The following DIS3L2 variants were observed in gnomAD, a reference collection of about 807,000 sequenced individuals.
DIS3L2 encodes DIS3-like exonuclease 2.
DIS3L2 carries 34 observed loss-of-function variants against 97.5 expected under a neutral mutation model. That is an observed-to-expected ratio of 0.35 (90% CI 0.27 to 0.46). The LOEUF (loss-of-function observed/expected upper bound fraction) is 0.46, where lower values mean the gene tolerates loss of function less well. Ranked by LOEUF, DIS3L2 falls within the 20% of genes least tolerant of loss-of-function variation. The pLI, the probability that DIS3L2 is intolerant of heterozygous loss-of-function variation, is 1.00. For synonymous variants in DIS3L2, 435 were observed against 445.2 expected, an observed-to-expected ratio of 0.98 and a Z score of 0.29; for missense variants, 1,038 against 1,146.0, an observed-to-expected ratio of 0.91 and a Z score of 1.36.
intron 4 of DIS3L2, among the ~76,000 whole-genome samples, chr2:232,026,316 G>A (rs1478441442): frequency 6.6e-6 from 1 of 152,002 alleles, no homozygotes; most frequent in Non-Finnish European, 1.5e-5. Context: ...ATATACCTGA[G>A]TTCAAATGTA....
chr2:232,264,000 C>T (rs186775086), intron 13 of DIS3L2, among the ~76,000 whole-genome samples: 8 of 152,324 alleles, frequency 5.3e-5, no homozygotes, highest in Admixed American at 5.2e-4. Context: ...GTTTTGGGCA[C>T]CAGGGCCCAG....
chr2:232,340,605 C>T (rs368013616), downstream of DIS3L2: 4 of 447,252 alleles, frequency 8.9e-6, no homozygotes, highest in South Asian at 3.3e-5. Context: ...GCCCAGGCAG[C>T]GCTCAGGGCA....
intron 13 of DIS3L2, among the ~76,000 whole-genome samples, chr2:232,296,439 T>C (rs968623328): frequency 1.3e-5 from 2 of 152,148 alleles, no homozygotes; most frequent in South Asian, 4.1e-4. Flanking sequence ...ACTTGGTAGG[T>C]GATATGGTTT....
intron 16 of DIS3L2, 93 bp from the exon 17 acceptor site, chr2:232,333,747 G>T: frequency 1.4e-6 from 2 of 1,478,312 alleles, no homozygotes; most frequent in African/African-American, 1.4e-5. Flanking sequence ...TCCACACATC[G>T]CTGCCGACGG....
intron 5 of DIS3L2, among the ~76,000 whole-genome samples, chr2:232,077,212 G>T (rs528577198): frequency 6.6e-6 from 1 of 151,982 alleles, no homozygotes; most frequent in East Asian, 1.9e-4. Flanking sequence ...TCTGTCTTCC[G>T]GAGCATAGGG....
At chr2:232,336,350 G>A in intron 20 of DIS3L2, 119 bp from the exon 21 acceptor site, 1 of 1,548,138 alleles carries the variant, frequency 6.5e-7, no homozygotes, top group Non-Finnish European at 8.7e-7. Flanking sequence ...AGACAGGCGA[G>A]CAGAGGCTTC....
intron 1 of DIS3L2, among the ~76,000 whole-genome samples, chr2:231,989,486 A>G (rs1232097542): frequency 1.3e-5 from 2 of 151,974 alleles, no homozygotes; most frequent in Non-Finnish European, 2.9e-5. Context: ...TACCTCATGG[A>G]TGTTTTAAAA....
chr2:231,977,855 T>C (rs1166648697), intron 1 of DIS3L2, among the ~76,000 whole-genome samples: 1 of 152,250 alleles, frequency 6.6e-6, no homozygotes, highest in African/African-American at 2.4e-5. Context: ...GTGCTTTTAA[T>C]TGTGTTACAC....
chr2:232,036,856 C>T (rs1365326132), intron 5 of DIS3L2, among the ~76,000 whole-genome samples: 3 of 152,186 alleles, frequency 2.0e-5, no homozygotes, highest in South Asian at 4.1e-4. Flanking sequence ...GTGGAGGCTG[C>T]AGAACAGCAA....
intron 5 of DIS3L2, among the ~76,000 whole-genome samples, chr2:232,079,726 A>G (rs1175104658): frequency 2.0e-5 from 3 of 152,138 alleles, no homozygotes; most frequent in Admixed American, 6.5e-5. Context: ...TGACAGGCAG[A>G]TATTTGAGCA....
In DIS3L2 at chr2:232,276,051, C is replaced by A. The variant is rs756418859; in HGVS notation, c.1659+12611C>A. Reference sequence around the variant, plus strand: ...TATTTAATTGCTCCTTGAATCGTGACCTCCTGGGGTAAAGGAAATCTGCCA... The same window carrying A: ...TATTTAATTGCTCCTTGAATCGTGAACTCCTGGGGTAAAGGAAATCTGCCA... On this transcript the variant is annotated intron_variant, in intron 13 of 20. Coordinates refer to ENST00000325385, the MANE Select transcript of DIS3L2 (RefSeq NM_152383.5). This position sits in a 1 kb window ranked among gnomAD's most constrained non-coding sequence, Gnocchi z 4.4. 1.1e-4 allele frequency among the ~76,000 whole-genome samples: 17 copies of A among 152,228 alleles called. No homozygotes were observed. The highest frequency in any genetic ancestry group is 2.5e-4 in the Non-Finnish European group (17 of 68,034).
intron 10 of DIS3L2, among the ~76,000 whole-genome samples, chr2:232,228,452 C>G (rs186028034): frequency 6.6e-6 from 1 of 152,104 alleles, no homozygotes; most frequent in Admixed American, 6.5e-5. Flanking sequence ...AAAGAGATGA[C>G]GACACATGCC....
chr2:232,326,615 T>A (rs1695585001), intron 14 of DIS3L2, among the ~76,000 whole-genome samples: 1 of 150,738 alleles, frequency 6.6e-6, no homozygotes, highest in Non-Finnish European at 1.5e-5. Context: ...TGGCCAAGGC[T>A]GCACCTGGGA....
chr2:232,090,475 C>G (rs1021710896), intron 6 of DIS3L2, among the ~76,000 whole-genome samples: 1 of 152,104 alleles, frequency 6.6e-6, no homozygotes, highest in African/African-American at 2.4e-5. Flanking sequence ...ATTTCTTGCC[C>G]TCTTGATATT....
At chr2:232,009,332 T>C (rs1428876449) in intron 1 of DIS3L2, among the ~76,000 whole-genome samples, 1 of 152,212 alleles carries the variant, frequency 6.6e-6, no homozygotes. Flanking sequence ...CTGATTTCCT[T>C]CTCCCCAGAG....
intron 2 of DIS3L2, among the ~76,000 whole-genome samples, 153 bp from the exon 3 acceptor site, chr2:232,015,361 C>G (rs956905977): frequency 6.6e-6 from 1 of 152,216 alleles, no homozygotes; most frequent in Admixed American, 6.5e-5. Context: ...CTTAGCCACT[C>G]TTTCCTTTTT....
rs550333874 is a variant in DIS3L2 at position 232,293,579 on chromosome 2, A to G, written c.1660-6461A>G. Among the ~76,000 whole-genome samples the G allele has an allele frequency of 5.1e-4, 77 of 152,192 alleles. No individual in the cohort carries two copies. The highest frequency in any genetic ancestry group is 1.7e-3 in the African/African-American group (71 of 41,540). The stretch of plus-strand genomic sequence containing the variant: ...CTCAGGGAAGTGGACCGCGTCGGGG[A>G]GTGCATGGAGCTCTGCAGGAGCTGG... On this transcript the variant is annotated intron_variant, in intron 13 of 20. Transcript: ENST00000325385. This position sits in a 1 kb window ranked among gnomAD's most constrained non-coding sequence, Gnocchi z 4.6.
intron 6 of DIS3L2, chr2:232,087,948 C>T (rs1315267120): frequency 1.4e-5 from 7 of 509,922 alleles, no homozygotes; most frequent in Non-Finnish European, 2.1e-5. Context: ...GCAGTTGCCA[C>T]ATTCCTAATA....
At position 232,249,258 on chromosome 2, in the gene DIS3L2, G is replaced by C. The variant is rs369290389; in HGVS notation, c.1337G>C (p.Arg446Thr). ...TTACAGGTGGTCCCCATGCTTCCCA[G>C]GCTGCTGTGTGAGGAGCTGTGCAGC... Reference protein sequence around the residue: ...LVQKVVPMLPRLLCEELCSLN... With the variant: ...LVQKVVPMLPTLLCEELCSLN... The change falls in exon 12 of 21, where the codon AGG becomes ACG. Residue 446 changes from arginine (R) to threonine (T), a missense_variant. Arg to Thr is a moderately conservative substitution (Grantham distance 71, BLOSUM62 -1). Transcript: ENST00000325385. 4 of 1,614,086 alleles carry C rather than the reference G, an allele frequency of 2.5e-6. No individual in the cohort carries two copies. In the East Asian group the frequency reaches 6.7e-5, roughly 27 times the overall value.
Sources: allele counts gnomAD v4.1 joint callset (sites outside exome capture counted in the v4.1 genomes callset), GRCh38; gene constraint gnomAD v4.1.1; non-coding constraint Gnocchi (gnomAD v3.1); transcripts MANE v1.5; gene names NCBI Gene and HGNC (gene_info 2026-07-23, HGNC 2026-07-21).